The following SOCS5 variants were observed in gnomAD, a reference collection of about 807,000 sequenced individuals.
The protein encoded by SOCS5 is suppressor of cytokine signaling 5, also known as CIS-6.
SOCS5 carries 32 observed loss-of-function variants against 42.8 expected under a neutral mutation model. The ratio of observed to expected loss-of-function variants is 0.75; its 90% CI spans 0.56 to 1.01. SOCS5 has a LOEUF of 1.01. SOCS5 is among the 50% of genes least tolerant of loss of function. The pLI, the probability that SOCS5 is intolerant of heterozygous loss-of-function variation, is 0.00. For synonymous variants in SOCS5, 283 were observed against 229.6 expected, an observed-to-expected ratio of 1.23 and a Z score of -2.10; for missense variants, 627 against 653.0, an observed-to-expected ratio of 0.96 and a Z score of 0.43.
chr2:46,738,334 T>C (rs1224372950), intron 1 of SOCS5, among the ~76,000 whole-genome samples: 3 of 152,076 alleles, frequency 2.0e-5, no homozygotes, highest in African/African-American at 4.8e-5. Flanking sequence ...GCAGTGAAAG[T>C]AGACAGAAAA....
chr2:46,705,317 C>G (rs150527792), intron 1 of SOCS5, among the ~76,000 whole-genome samples: 21 of 152,228 alleles, frequency 1.4e-4, no homozygotes, highest in Non-Finnish European at 2.6e-4. Context: ...GGGTCTGGGT[C>G]CTCAACCTGT....
chr2:46,727,144 CTTTTTTTTTT>C (rs759203329), intron 1 of SOCS5, among the ~76,000 whole-genome samples: 6 of 86,412 alleles, frequency 6.9e-5, no homozygotes, highest in African/African-American at 9.3e-5. Context: ...TTGGAGCCTT[CTTTTTTTTTT>C]TTTTTTTTTT....
At chr2:46,733,598 G>T (rs1202601184) in intron 1 of SOCS5, among the ~76,000 whole-genome samples, 1 of 145,520 alleles carries the variant, frequency 6.9e-6, no homozygotes, top group African/African-American at 2.5e-5. Flanking sequence ...AAAAAAAAAG[G>T]AATAACCATT....
chr2:46,736,306 G>A (rs1450715076), intron 1 of SOCS5, among the ~76,000 whole-genome samples: 1 of 152,156 alleles, frequency 6.6e-6, no homozygotes, highest in Non-Finnish European at 1.5e-5. Context: ...GCCTCCCAAA[G>A]TGCTGGGATG....
intron 1 of SOCS5, among the ~76,000 whole-genome samples, chr2:46,739,432 C>G (rs578201890): frequency 1.5e-3 from 230 of 152,272 alleles, no homozygotes; most frequent in Non-Finnish European, 2.3e-3. Context: ...TTTCTGCTTT[C>G]TTTGTTGTCT....
intron 1 of SOCS5, among the ~76,000 whole-genome samples, chr2:46,732,605 C>T (rs1673150957): frequency 6.6e-6 from 1 of 152,170 alleles, no homozygotes; most frequent in Non-Finnish European, 1.5e-5. Context: ...GGGGTAGAGA[C>T]CACTGAAGAA....
At position 46,759,883 on chromosome 2, in the gene SOCS5, T is replaced by C; in HGVS notation, c.1353T>C (p.Thr451=). The part of the protein sequence containing the change: ...AHDPCVFHSS[T]VTGLLEHYKD... The stretch of plus-strand genomic sequence containing the variant: ...ACCCGTGTGTATTTCACTCCTCCAC[T>C]GTAACGGGACTTTTAGAACATTATA... The change falls in exon 2 of 2, where the codon ACT becomes ACC. Residue 451 remains threonine, a synonymous_variant. Coordinates refer to ENST00000394861, the MANE Select transcript of SOCS5 (RefSeq NM_144949.3). 6.2e-7 allele frequency: 1 copy of C among 1,614,180 alleles called. No homozygotes were observed. Among genetic ancestry groups the C allele is most frequent in the Non-Finnish European group, 8.5e-7 (1 of 1,180,022 alleles).
intron 1 of SOCS5, among the ~76,000 whole-genome samples, chr2:46,700,188 G>A (rs969943477): frequency 2.6e-5 from 4 of 152,190 alleles, no homozygotes; most frequent in Non-Finnish European, 5.9e-5. Flanking sequence ...ATACATCTTG[G>A]TTTGGTTCCG....
chr2:46,757,140 A>G (rs1192738769), intron 1 of SOCS5, among the ~76,000 whole-genome samples: 1 of 152,198 alleles, frequency 6.6e-6, no homozygotes, highest in Non-Finnish European at 1.5e-5. Context: ...TGAGAAACTA[A>G]TGGGAAGACC....
intron 1 of SOCS5, among the ~76,000 whole-genome samples, chr2:46,707,001 T>C (rs1253677796): frequency 6.6e-6 from 1 of 152,202 alleles, no homozygotes; most frequent in African/African-American, 2.4e-5. Context: ...TAAAAATTTT[T>C]AAATGCTGTA....
At chr2:46,728,898 C>T (rs1169260295) in intron 1 of SOCS5, among the ~76,000 whole-genome samples, 2 of 152,170 alleles carry the variant, frequency 1.3e-5, no homozygotes. Context: ...CCATTTGCCT[C>T]TAAGCCAGTG....
intron 1 of SOCS5, among the ~76,000 whole-genome samples, chr2:46,723,533 G>T (rs896721676): frequency 6.6e-6 from 1 of 151,918 alleles, no homozygotes; most frequent in Admixed American, 6.6e-5. Flanking sequence ...TATTGTTTAG[G>T]GAAAGACTAC....
chr2:46,731,680 C>T (rs1317690593), intron 1 of SOCS5, among the ~76,000 whole-genome samples: 2 of 152,140 alleles, frequency 1.3e-5, no homozygotes, highest in Non-Finnish European at 2.9e-5. Flanking sequence ...ATACTGCGTC[C>T]AGTCAGTTCT....
In SOCS5 at chr2:46,759,904, T is replaced by G; in HGVS notation, c.1374T>G (p.His458Gln). Residue 458 changes from histidine (H) to glutamine (Q), a missense_variant, in exon 2 of 2, where the codon CAT becomes CAG. By Grantham distance (24) the His-to-Gln change is conservative (BLOSUM62 0). Around this residue, in one of 3 missense-constraint regions of SOCS5, gnomAD observed 340 missense variants for 367.6 expected, o/e 0.92. Coordinates refer to ENST00000394861, the MANE Select transcript of SOCS5 (RefSeq NM_144949.3). Reference protein sequence around the residue: ...HSSTVTGLLEHYKDPSSCMFF... With the variant: ...HSSTVTGLLEQYKDPSSCMFF... ...CCACTGTAACGGGACTTTTAGAACATTATAAAGATCCCAGTTCGTGCATGT... is the reference window on the plus strand; with the variant it reads ...CCACTGTAACGGGACTTTTAGAACAGTATAAAGATCCCAGTTCGTGCATGT... 6.2e-7 allele frequency: 1 copy of G among 1,614,152 alleles called. No homozygotes were observed. The highest frequency in any genetic ancestry group is 1.1e-5 in the South Asian group (1 of 91,076).
At chr2:46,737,313 T>G (rs1374363035) in intron 1 of SOCS5, among the ~76,000 whole-genome samples, 2 of 152,208 alleles carry the variant, frequency 1.3e-5, no homozygotes, top group East Asian at 3.8e-4. Context: ...TATGGAGATT[T>G]TATCATGACT....
Position 46,759,513 on chromosome 2 carries a change from C to G in SOCS5, c.983C>G (p.Thr328Arg), listed in dbSNP as rs1255878470. 2 of 1,613,866 alleles carry G rather than the reference C, an allele frequency of 1.2e-6. No individual in the cohort carries two copies. Residue 328 changes from threonine to arginine, a missense_variant, in exon 2 of 2, where the codon ACA (threonine) becomes AGA (arginine). Thr to Arg is a moderately conservative substitution (Grantham distance 71). This residue lies in a region of SOCS5 where 340 missense variants were observed against 367.6 expected (regional missense o/e 0.92). Coordinates refer to ENST00000394861, the MANE Select transcript of SOCS5 (RefSeq NM_144949.3). ...PQANCDSEED[T>R]TTLCLQSRRQ... The stretch of plus-strand genomic sequence containing the variant: ...GCTAATTGTGACTCGGAAGAGGATA[C>G]AACCACCCTGTGTTTGCAGTCACGG...
chr2:46,710,941 A>G (rs900143630), intron 1 of SOCS5, among the ~76,000 whole-genome samples: 1 of 152,180 alleles, frequency 6.6e-6, no homozygotes, highest in Non-Finnish European at 1.5e-5. Context: ...GTCATGCAGT[A>G]TGTACTCTTT....
At chr2:46,742,152 A>G (rs1474525224) in intron 1 of SOCS5, among the ~76,000 whole-genome samples, 4 of 152,192 alleles carry the variant, frequency 2.6e-5, no homozygotes, top group Admixed American at 2.6e-4. Context: ...TCCAAGAATG[A>G]CCTTTATTGG....
intron 1 of SOCS5, among the ~76,000 whole-genome samples, chr2:46,751,345 GC>G (rs1159357920): frequency 6.6e-6 from 1 of 151,910 alleles, no homozygotes; most frequent in East Asian, 1.9e-4. Flanking sequence ...AAATGTAATT[GC>G]CAGAGGTTTT....
Sources: allele counts gnomAD v4.1 joint callset (sites outside exome capture counted in the v4.1 genomes callset), GRCh38; gene constraint gnomAD v4.1.1; regional missense constraint gnomAD v4.1.1; transcripts MANE v1.5; gene names NCBI Gene and HGNC (gene_info 2026-07-23, HGNC 2026-07-21).